Variants in ZBED4 observed in about 807,000 individuals in gnomAD.
ZBED4 encodes zinc finger BED domain-containing protein 4.
A neutral mutation model predicts 15.5 loss-of-function variants in ZBED4; 4 were observed. The observed-to-expected ratio is 0.26, with a 90% confidence interval of 0.13 to 0.59. The LOEUF (loss-of-function observed/expected upper bound fraction) is 0.59. Ranked by LOEUF, ZBED4 falls within the 20% of genes least tolerant of loss-of-function variation. The probability of loss-of-function intolerance (pLI) is 0.90; values close to 1 mark genes in which losing one functional copy is unlikely to be tolerated. For missense variants in ZBED4, 1,323 were observed against 1,461.8 expected (o/e 0.91, Z 1.55); for synonymous variants, 692 against 608.5 (o/e 1.14, Z -2.02).
chr22:49,884,566 T>A lies in ZBED4; in HGVS notation c.904T>A (p.Ser302Thr). ...KHFYLSPLDN[S>T]KAVCIHCMNE... ...CTTCTACCTGTCGCCACTGGACAAC[T>A]CCAAAGCTGTCTGCATTCACTGCAT... The change falls in exon 2 of 2, where the codon TCC becomes ACC. Residue 302 changes from serine (S) to threonine (T), a missense_variant. This residue lies in a region of ZBED4 where 380 missense variants were observed against 413.7 expected (regional missense o/e 0.92). Coordinates refer to ENST00000216268, the MANE Select transcript of ZBED4 (RefSeq NM_014838.3). 1 of 1,612,968 alleles carries A rather than the reference T, an allele frequency of 6.2e-7. No homozygotes were observed. The highest frequency in any genetic ancestry group is 1.1e-5 in the South Asian group (1 of 90,936).
chr22:49,855,327 G>A (rs1255131510), intron 1 of ZBED4, among the ~76,000 whole-genome samples: 1 of 152,094 alleles, frequency 6.6e-6, no homozygotes, highest in East Asian at 1.9e-4. Flanking sequence ...CCACTTGACA[G>A]GTGGTTACAG....
chr22:49,873,510 C>A (rs749233365), intron 1 of ZBED4, among the ~76,000 whole-genome samples: 1 of 152,104 alleles, frequency 6.6e-6, no homozygotes, highest in Non-Finnish European at 1.5e-5. Flanking sequence ...TAACAGATAC[C>A]ATGATAATGG....
chr22:49,854,255 G>A (rs1174994975), intron 1 of ZBED4, among the ~76,000 whole-genome samples: 2 of 149,672 alleles, frequency 1.3e-5, no homozygotes, highest in Non-Finnish European at 3.0e-5. Context: ...GCCCGGCCTG[G>A]CCCACGTGCC....
chr22:49,853,807 A>G (rs1188964929), upstream of ZBED4: 3 of 142,986 alleles, frequency 2.1e-5, no homozygotes, highest in Non-Finnish European at 4.6e-5. Context: ...GCCCCCGGCC[A>G]GCCCCGCCCC....
At chr22:49,853,240 A>AGCCCCG (rs1374505215), upstream of ZBED4, 3 of 152,622 alleles carry the variant, frequency 2.0e-5, no homozygotes, top group Non-Finnish European at 2.9e-5. Context: ...CCGCACCGCC[A>AGCCCCG]GCCCCGGCCC....
Position 49,865,148 on chromosome 22 carries a change from T to C in ZBED4, c.-330+11159T>C, listed in dbSNP as rs147540716. 7.0e-4 allele frequency among the ~76,000 whole-genome samples: 107 copies of C among 152,196 alleles called. 1 individual carries two copies. Among genetic ancestry groups the C allele is most frequent in the Middle Eastern group, 3.4e-3 (1 of 294 alleles). ...TGCACCTACACAAACCCAGATGGTA[T>C]AACCTGTCACTCCGAGGCTGCAACT... On this transcript the variant is annotated intron_variant, in intron 1 of 1. Transcript: ENST00000216268.
In ZBED4 at chr22:49,889,571, G is replaced by A. The variant is rs764456942; in HGVS notation, c.*2393G>A. 1.8e-5 allele frequency: 3 copies of A among 167,122 alleles called. No homozygotes were observed. The highest frequency in any genetic ancestry group is 1.5e-5 in the Non-Finnish European group (1 of 68,114). 10.4% of individuals were successfully genotyped at this position (167,122 alleles called of 1,614,324 possible). On this transcript the variant is annotated 3_prime_UTR_variant, in exon 2 of 2. Coordinates refer to ENST00000216268, the MANE Select transcript of ZBED4 (RefSeq NM_014838.3). ...AAAGGGGATTGCAGAAAAAAATGAG[G>A]GCTTGCTTTACTCAACAGAAAATAT...
chr22:49,880,932 C>T (rs2060406003), intron 1 of ZBED4, among the ~76,000 whole-genome samples: 1 of 152,144 alleles, frequency 6.6e-6, no homozygotes, highest in African/African-American at 2.4e-5. Context: ...GTATACAGGT[C>T]TTCTTTTTAA....
Position 49,886,565 on chromosome 22 carries a change from T to C in ZBED4, c.2903T>C (p.Val968Ala). The change falls in exon 2 of 2, where the codon GTG becomes GCG. Residue 968 changes from valine to alanine, a missense_variant. Val to Ala is a moderately conservative substitution (Grantham distance 64). Around this residue, in one of 6 missense-constraint regions of ZBED4, gnomAD observed 312 missense variants for 410.7 expected, o/e 0.76. Transcript: ENST00000216268. The surrounding 1 kb of genome is among the most constrained non-coding windows in gnomAD (Gnocchi z 7.7). ...ATGGTACACATCCTCAACAGGAAGG[T>C]GGAGATGCTCTTCGAGGAGACGATG... The part of the protein sequence containing the change: ...IPMVHILNRK[V>A]EMLFEETMGI... The C allele has an allele frequency of 6.4e-7, 1 of 1,556,936 alleles. No individual in the cohort carries two copies. The highest frequency in any genetic ancestry group is 8.7e-7 in the Non-Finnish European group (1 of 1,149,766).
intron 1 of ZBED4, among the ~76,000 whole-genome samples, chr22:49,854,470 C>T (rs905446275): frequency 2.6e-5 from 4 of 152,208 alleles, no homozygotes; most frequent in Admixed American, 1.3e-4. Context: ...GTCCTTGCGA[C>T]GCGCCCCGAG....
chr22:49,872,799 G>C (rs996134187), intron 1 of ZBED4, among the ~76,000 whole-genome samples: 1 of 151,864 alleles, frequency 6.6e-6, no homozygotes, highest in Non-Finnish European at 1.5e-5. Context: ...CTGCCTCCCA[G>C]GTTCAAGCGA....
chr22:49,869,210 A>C lies in ZBED4; in HGVS notation c.-329-14124A>C, dbSNP rs887610663. 2.0e-5 allele frequency among the ~76,000 whole-genome samples: 3 copies of C among 151,936 alleles called. No individual in the cohort carries two copies. The East Asian group carries it at 5.8e-4, about 29-fold the overall frequency. On this transcript the variant is annotated intron_variant, in intron 1 of 1. Transcript: ENST00000216268. ...GGGTCAGGGCAGAGTTGGCGGTGTC[A>C]GTGTGAAGTTGTGGCTTTGATTCAC... is the stretch of plus-strand genomic sequence containing the variant.
At chr22:49,853,728 C>G (rs1247028453), upstream of ZBED4, 1 of 150,698 alleles carries the variant, frequency 6.6e-6, no homozygotes, top group African/African-American at 2.4e-5. Context: ...CCCGCCCGGC[C>G]AGGGACGAGG....
Position 49,885,790 on chromosome 22 carries a change from G to A in ZBED4, c.2128G>A (p.Asp710Asn). 6.2e-7 allele frequency: 1 copy of A among 1,605,616 alleles called. No homozygotes were observed. Among genetic ancestry groups the A allele is most frequent in the Non-Finnish European group, 8.5e-7 (1 of 1,173,326 alleles). Residue 710 changes from aspartate (D) to asparagine (N), a missense_variant, in exon 2 of 2, where the codon GAT becomes AAT. By Grantham distance (23) the Asp-to-Asn change is conservative (BLOSUM62 1). This residue lies in a region of ZBED4 where 89 missense variants were observed against 129.8 expected (regional missense o/e 0.69). Coordinates refer to ENST00000216268, the MANE Select transcript of ZBED4 (RefSeq NM_014838.3). Reference protein sequence around the residue: ...FSRTAIPGMYDNVKQIIMSHL... With the variant: ...FSRTAIPGMYNNVKQIIMSHL... ...CAGGACAGCTATCCCAGGTATGTATGATAATGTGAAGCAGATAATTATGTC... is the reference window on the plus strand; with the variant it reads ...CAGGACAGCTATCCCAGGTATGTATAATAATGTGAAGCAGATAATTATGTC...
chr22:49,857,966 G>T (rs890113148), intron 1 of ZBED4, among the ~76,000 whole-genome samples: 1 of 151,640 alleles, frequency 6.6e-6, no homozygotes, highest in Non-Finnish European at 1.5e-5. Context: ...GTTTCACCAT[G>T]TTGGCCAGGG....
chr22:49,862,639 ATTC>A (rs2060302297), intron 1 of ZBED4, among the ~76,000 whole-genome samples: 10 of 120,382 alleles, frequency 8.3e-5, no homozygotes, highest in Admixed American at 8.3e-4. Flanking sequence ...CTACTTCCTT[ATTC>A]TTTGTTGTTT....
intron 1 of ZBED4, among the ~76,000 whole-genome samples, chr22:49,882,200 A>G (rs1248030201): frequency 6.6e-6 from 1 of 151,912 alleles, no homozygotes; most frequent in Non-Finnish European, 1.5e-5. Flanking sequence ...CCCATTTGCC[A>G]CTCCCTGTGT....
chr22:49,859,328 C>A (rs1482068121), intron 1 of ZBED4, among the ~76,000 whole-genome samples: 1 of 151,972 alleles, frequency 6.6e-6, no homozygotes. Flanking sequence ...TCAAGGTGGA[C>A]TAGTGGATTT....
At chr22:49,878,841 TAAAAA>T (rs943898193) in intron 1 of ZBED4, among the ~76,000 whole-genome samples, 40 of 151,418 alleles carry the variant, frequency 2.6e-4, no homozygotes, top group African/African-American at 9.7e-4. Flanking sequence ...CTACTAAAAA[TAAAAA>T]AAATGAGCCG....
Sources: gnomAD v4.1 joint callset for allele counts (sites outside exome capture counted in the v4.1 genomes callset) on GRCh38, gnomAD v4.1.1 for gene constraint, gnomAD v4.1.1 regional missense constraint, Gnocchi (gnomAD v3.1) non-coding constraint, MANE v1.5 for transcripts, NCBI Gene and HGNC (gene_info 2026-07-23, HGNC 2026-07-21) for gene names.